PA2G4: variants seen among roughly 807,000 people sequenced by gnomAD.
PA2G4 encodes the protein proliferation-associated 2G4.
PA2G4 carries 8 observed loss-of-function variants against 53.3 expected under a neutral mutation model. The ratio of observed to expected loss-of-function variants is 0.15; its 90% confidence interval spans 0.09 to 0.27. PA2G4 has a LOEUF of 0.27. Among genes scored for constraint, PA2G4 ranks in the 10% least tolerant of loss-of-function variants. The pLI is 1.00. For synonymous variants in PA2G4, 143 were observed against 169.8 expected, an observed-to-expected ratio of 0.84 and a Z score of 1.23; for missense variants, 208 against 486.8, an observed-to-expected ratio of 0.43 and a Z score of 5.39.
rs1869258239 is a variant in PA2G4 at position 56,104,866 on chromosome 12, G to A, written c.88+41G>A. 3 of 1,542,382 alleles carry A rather than the reference G, an allele frequency of 1.9e-6. No homozygotes were observed. In the East Asian group the frequency reaches 6.7e-5, roughly 35 times the overall value. ...GGGGTCGGGGAATCAAGGCTGATAG[G>A]GAAAGGTAACAGGCTGGCCCGGAAG... On this transcript the variant is annotated intron_variant, in intron 1 of 12. Transcript: ENST00000303305.
chr12:56,112,799 T>C, intron 12 of PA2G4, 24 bp from the exon 13 acceptor site: 1 of 1,515,596 alleles, frequency 6.6e-7, no homozygotes, highest in South Asian at 1.2e-5. Flanking sequence ...ACAGGTCTTC[T>C]CCCTCTCCTT....
In PA2G4 at chr12:56,113,832, G is replaced by C; in HGVS notation, c.*944G>C. The C allele has an allele frequency of 1.4e-6, 1 of 702,014 alleles. No homozygotes were observed. The highest frequency in any genetic ancestry group is 2.6e-6 in the Non-Finnish European group (1 of 384,732). 43.5% of individuals were successfully genotyped at this position (702,014 alleles called of 1,614,324 possible). A position where few individuals can be genotyped will look rare whatever the true frequency, so the allele number is the denominator to read the frequency against. On this transcript the variant is annotated 3_prime_UTR_variant, in exon 13 of 13. Transcript: ENST00000303305. ...TGGCATGCTGTCCCAGGAAACTAGGGCTCCCACTAACTTATGAGGTTTTTA... is the reference window on the plus strand; with the variant it reads ...TGGCATGCTGTCCCAGGAAACTAGGCCTCCCACTAACTTATGAGGTTTTTA...
chr12:56,111,045 C>T lies in PA2G4; in HGVS notation c.924C>T (p.Leu308=). 6.2e-7 allele frequency: 1 copy of T among 1,614,020 alleles called. No individual in the cohort carries two copies. The highest frequency in any genetic ancestry group is 8.5e-7 in the Non-Finnish European group (1 of 1,179,936). ...KHELLQPFNV[L]YEKEGEFVAQ... Reference sequence around the variant, plus strand: ...AACTGCTGCAACCATTTAATGTTCTCTATGAGAAGGAGGGTGAGTTCCAAA... The same window carrying T: ...AACTGCTGCAACCATTTAATGTTCTTTATGAGAAGGAGGGTGAGTTCCAAA... The change falls in exon 10 of 13, where the codon CTC becomes CTT. Residue 308 remains leucine (L), a synonymous_variant. Transcript: ENST00000303305.
chr12:56,108,226 C>T (rs748507105), intron 5 of PA2G4, among the ~76,000 whole-genome samples: 29 of 152,086 alleles, frequency 1.9e-4, no homozygotes, highest in Admixed American at 6.6e-4. Flanking sequence ...TAGCGAGACC[C>T]GTCTACAAAA....
intron 11 of PA2G4, 45 bp from the exon 12 acceptor site, chr12:56,111,431 C>T (rs376116140): frequency 4.4e-5 from 70 of 1,608,240 alleles, no homozygotes; most frequent in Non-Finnish European, 5.7e-5. Context: ...TTTTTAATTT[C>T]CTCCACATTT....
At chr12:56,106,376 G>A in intron 1 of PA2G4, 1 of 408,278 alleles carries the variant, frequency 2.4e-6, no homozygotes, top group African/African-American at 2.1e-5. Flanking sequence ...TAGCATCTTT[G>A]GAAAGTCTGA....
chr12:56,111,397 T>A, intron 11 of PA2G4, 79 bp from the exon 12 acceptor site: 1 of 1,602,466 alleles, frequency 6.2e-7, no homozygotes, highest in Non-Finnish European at 8.5e-7. Context: ...TGAAAAGAGC[T>A]GCAGTACTGA....
chr12:56,109,864 G>A lies in PA2G4; in HGVS notation c.558G>A (p.Leu186=), dbSNP rs774471693. 6.2e-7 allele frequency: 1 copy of A among 1,612,634 alleles called. No individual in the cohort carries two copies. The highest frequency in any genetic ancestry group is 2.2e-5 in the East Asian group (1 of 44,872). Residue 186 remains leucine (L), a synonymous_variant, in exon 7 of 13, where the codon CTG becomes CTA. Coordinates refer to ENST00000303305, the MANE Select transcript of PA2G4 (RefSeq NM_006191.3). Reference sequence around the variant, plus strand: ...GTTGTGTACTATCTACAGGTATGCTGTCACACCAGTTGAAGCAGCATGTCA... The same window carrying A: ...GTTGTGTACTATCTACAGGTATGCTATCACACCAGTTGAAGCAGCATGTCA... ...SFNCTPIEGM[L]SHQLKQHVID... is the part of the protein sequence containing the mutation.
chr12:56,105,236 C>G (rs893661117), intron 1 of PA2G4: 5 of 411,414 alleles, frequency 1.2e-5, no homozygotes, highest in Non-Finnish European at 2.4e-5. Flanking sequence ...TGTAGCGTCT[C>G]CGGGGCGTCA....
At chr12:56,110,018 C>A in intron 7 of PA2G4, 83 bp downstream of exon 7, 1 of 935,314 alleles carries the variant, frequency 1.1e-6, no homozygotes, top group Non-Finnish European at 1.8e-6. Context: ...TGAATCTTGT[C>A]CGCCCTCTAC....
rs764553136 is a variant in PA2G4, at chr12:56,111,219, C to T, written c.975C>T (p.Leu325=). ...CCCAGTTTAAATTTACAGTTCTGCT[C>T]ATGCCCAATGGCCCCATGCGGATAA... The part of the protein sequence containing the change: ...FVAQFKFTVL[L]MPNGPMRITS... The change falls in exon 11 of 13, where the codon CTC becomes CTT. Residue 325 remains leucine (L), a synonymous_variant. Transcript: ENST00000303305. 6.2e-7 allele frequency: 1 copy of T among 1,614,162 alleles called. No individual in the cohort carries two copies. The highest frequency in any genetic ancestry group is 1.1e-5 in the South Asian group (1 of 91,080).
intron 2 of PA2G4, 57 bp downstream of exon 2, chr12:56,106,773 GT>G: frequency 6.5e-7 from 1 of 1,547,410 alleles, no homozygotes; most frequent in Non-Finnish European, 8.7e-7. Context: ...GGTCCTATAT[GT>G]TTTTATTTTT....
chr12:56,113,856 T>A lies in PA2G4; in HGVS notation c.*968T>A, dbSNP rs1869484516. The A allele has an allele frequency of 1.4e-6, 1 of 702,308 alleles. No individual in the cohort carries two copies. The highest frequency in any genetic ancestry group is 2.6e-6 in the Non-Finnish European group (1 of 384,820). 43.5% of individuals were successfully genotyped at this position (702,308 alleles called of 1,614,324 possible). ...GGCTCCCACTAACTTATGAGGTTTT[T>A]AAACACATTGAAAATGACATGACAT... is the stretch of plus-strand genomic sequence containing the variant. On this transcript the variant is annotated 3_prime_UTR_variant, in exon 13 of 13. Coordinates refer to ENST00000303305, the MANE Select transcript of PA2G4 (RefSeq NM_006191.3).
Position 56,110,609 on chromosome 12 carries a change from A to G in PA2G4, c.759A>G (p.Lys253=), listed in dbSNP as rs1869400679. The change falls in exon 9 of 13, where the codon AAA becomes AAG. Residue 253 remains lysine, a synonymous_variant. Transcript: ENST00000303305. ...CTATTTACAAACGAGACCCCTCTAAACAGTATGGACTGAAAATGAAAACTT... is the reference window on the plus strand; with the variant it reads ...CTATTTACAAACGAGACCCCTCTAAGCAGTATGGACTGAAAATGAAAACTT... ...RTTIYKRDPS[K]QYGLKMKTSR... is the part of the protein sequence containing the mutation. 6.2e-7 allele frequency: 1 copy of G among 1,614,062 alleles called. No homozygotes were observed. Among genetic ancestry groups the G allele is most frequent in the African/African-American group, 1.3e-5 (1 of 74,912 alleles).
At position 56,111,608 on chromosome 12, in the gene PA2G4, A is replaced by G. The variant is rs187225551; in HGVS notation, c.1119+79A>G. ...TCCCACTGTGTTAAGTTGTAGTGAA[A>G]TACGGATTTTTATACAGATGCTCCT... On this transcript the variant is annotated intron_variant, in intron 12 of 12. Transcript: ENST00000303305. 79 of 1,300,346 alleles carry G rather than the reference A, an allele frequency of 6.1e-5. No individual in the cohort carries two copies. In the East Asian group the frequency reaches 1.8e-3, roughly 30 times the overall value. The allele number at this position is 1,300,346 out of a possible 1,614,324, so 80.6% of individuals were successfully genotyped here.
At chr12:56,109,156 A>G in intron 5 of PA2G4, 74 bp from the exon 6 acceptor site, 1 of 773,718 alleles carries the variant, frequency 1.3e-6, no homozygotes, top group East Asian at 3.1e-5. Flanking sequence ...CAGTTCTTTT[A>G]TGCTTCTTAT....
intron 7 of PA2G4, 54 bp from the exon 8 acceptor site, chr12:56,110,345 A>G: frequency 9.3e-7 from 1 of 1,077,622 alleles, no homozygotes; most frequent in Non-Finnish European, 1.4e-6. Context: ...GGGTGACAGA[A>G]TGAGACTCTG....
rs770453878 is a variant in PA2G4, at chr12:56,111,319, G to A, written c.1065+10G>A. On this transcript the variant is annotated intron_variant, in intron 11 of 12. Coordinates refer to ENST00000303305, the MANE Select transcript of PA2G4 (RefSeq NM_006191.3). ...GGATGCAGAGCTAAAGGTTAGTATG[G>A]AATAGAAGGTGGTGAGTATGTACAT... 3 of 1,614,034 alleles carry A rather than the reference G, an allele frequency of 1.9e-6. No individual in the cohort carries two copies. The highest frequency in any genetic ancestry group is 2.2e-5 in the East Asian group (1 of 44,886).
chr12:56,112,583 C>T (rs1283603806), intron 12 of PA2G4, among the ~76,000 whole-genome samples: 1 of 151,904 alleles, frequency 6.6e-6, no homozygotes, highest in Non-Finnish European at 1.5e-5. Context: ...CATGGTGAAA[C>T]CTCATCTCTA....
Sources: allele counts gnomAD v4.1 joint callset (sites outside exome capture counted in the v4.1 genomes callset), GRCh38; gene constraint gnomAD v4.1.1; transcripts MANE v1.5; gene names NCBI Gene and HGNC (gene_info 2026-07-23, HGNC 2026-07-21).